Variants in MROH2B observed in about 807,000 individuals in gnomAD.
MROH2B encodes maestro heat-like repeat-containing protein family member 2B.
MROH2B carries 177 observed loss-of-function variants against 208.6 expected under a neutral mutation model. That is an observed-to-expected ratio of 0.85 (90% CI 0.75 to 0.96). MROH2B has a LOEUF of 0.96. Among genes scored for constraint, MROH2B ranks in the 40% least tolerant of loss-of-function variants. MROH2B has a pLI of 0.00. For synonymous variants in MROH2B, 728 were observed against 659.0 expected (o/e 1.10, Z -1.60); for missense variants, 2,002 against 1,878.7 (o/e 1.07, Z -1.21).
At position 41,044,907 on chromosome 5, in the gene MROH2B, C is replaced by G. The variant is rs556169019; in HGVS notation, c.1836+839G>C. Among the ~76,000 whole-genome samples, 155 of 152,262 alleles carry G rather than the reference C, an allele frequency of 1.0e-3. 1 individual carries two copies. Among genetic ancestry groups the G allele is most frequent in the African/African-American group, 3.5e-3 (147 of 41,558 alleles). On this transcript the variant is annotated intron_variant, in intron 18 of 41. Coordinates refer to ENST00000399564, the MANE Select transcript of MROH2B (RefSeq NM_173489.5). ...CACATGCCCTATGTCAAGCACTTCA[C>G]CAGGGACTTTATATACTTTATCTCA...
In MROH2B at chr5:41,032,803, G is replaced by A; in HGVS notation, c.2380C>T (p.Pro794Ser). The A allele has an allele frequency of 6.2e-7, 1 of 1,612,230 alleles. No individual in the cohort carries two copies. Among genetic ancestry groups the A allele is most frequent in the Non-Finnish European group, 8.5e-7 (1 of 1,179,018 alleles). Residue 794 changes from proline to serine, a missense_variant, in exon 24 of 42, where the codon CCC (proline) becomes TCC (serine). Transcript: ENST00000399564. ...ATAGGGCTAGCTAAGGAATCCAGGG[G>A]CTCGTCTCTAATGAAGTCCTGAAAC... ...GYMLDFIRDEPLDSLASPIRW... is the reference protein window; with the variant it reads ...GYMLDFIRDESLDSLASPIRW...
At chr5:41,013,349 C>T (rs978175551) in intron 29 of MROH2B, among the ~76,000 whole-genome samples, 7 of 152,018 alleles carry the variant, frequency 4.6e-5, no homozygotes, top group Non-Finnish European at 1.0e-4. Flanking sequence ...AATGCTTGGT[C>T]GATAGCAGTG....
intron 13 of MROH2B, 127 bp from the exon 14 acceptor site, chr5:41,049,563 G>A (rs1743225291): frequency 8.2e-6 from 9 of 1,099,794 alleles, no homozygotes; most frequent in East Asian, 2.6e-5. Context: ...TTTGGGCCAA[G>A]TCAAGATGAG....
chr5:41,066,428 T>C (rs1046895837), intron 3 of MROH2B, among the ~76,000 whole-genome samples: 2 of 152,174 alleles, frequency 1.3e-5, no homozygotes, highest in Non-Finnish European at 1.5e-5. Flanking sequence ...TGAGACTGTT[T>C]TGTTGCATTT....
In MROH2B at chr5:41,009,416, C is replaced by A. The variant is rs1294833284; in HGVS notation, c.3294-10G>T. ...CAATGTCTTTGTGTCCCTAGGGTGG[C>A]AAAGCAGGAAATTGGTAGATAAGGC... is the stretch of plus-strand genomic sequence containing the variant. On this transcript the variant is annotated splice_polypyrimidine_tract_variant and intron_variant, in intron 31 of 41. Coordinates refer to ENST00000399564, the MANE Select transcript of MROH2B (RefSeq NM_173489.5). 1.2e-6 allele frequency: 2 copies of A among 1,612,194 alleles called. No individual in the cohort carries two copies. The highest frequency in any genetic ancestry group is 3.3e-5 in the Admixed American group (2 of 59,902).
At chr5:41,032,911 C>A in intron 23 of MROH2B, 90 bp from the exon 24 acceptor site, 1 of 1,545,120 alleles carries the variant, frequency 6.5e-7, no homozygotes, top group Non-Finnish European at 8.8e-7. Context: ...ATTGGGTGCC[C>A]TGGGTCATAA....
At chr5:41,038,643 T>G in intron 21 of MROH2B, 93 bp downstream of exon 21, 1 of 1,273,092 alleles carries the variant, frequency 7.9e-7, no homozygotes, top group Admixed American at 2.7e-5. Context: ...CATACCCAAG[T>G]CTGGGAAGGA....
At chr5:41,001,434 G>T (rs368302481) in intron 37 of MROH2B, among the ~76,000 whole-genome samples, 3 of 152,210 alleles carry the variant, frequency 2.0e-5, no homozygotes, top group East Asian at 3.9e-4. Context: ...AAGAGAGGCC[G>T]GGTGCAGTGG....
intron 2 of MROH2B, among the ~76,000 whole-genome samples, chr5:41,068,127 A>C (rs1446603474): frequency 6.6e-6 from 1 of 152,200 alleles, no homozygotes; most frequent in Non-Finnish European, 1.5e-5. Flanking sequence ...AGACTGGTGT[A>C]CTGAAATCTC....
chr5:41,007,349 A>G lies in MROH2B; in HGVS notation c.3714T>C (p.Pro1238=). The change falls in exon 34 of 42, where the codon CCT becomes CCC. Residue 1238 remains proline, a synonymous_variant. Coordinates refer to ENST00000399564, the MANE Select transcript of MROH2B (RefSeq NM_173489.5). ...AACATACGCCTATGTGGTGGGTACTAGGACTGCTGAGTAGAGTCCATAAGT... is the reference window on the plus strand; with the variant it reads ...AACATACGCCTATGTGGTGGGTACTGGGACTGCTGAGTAGAGTCCATAAGT... The part of the protein sequence containing the change: ...GDNLWTLLSS[P]STHHIGVCSL... 6.5e-7 allele frequency: 1 copy of G among 1,534,458 alleles called. No individual in the cohort carries two copies.
chr5:41,064,281 A>T (rs1743729578), intron 5 of MROH2B, among the ~76,000 whole-genome samples, 191 bp downstream of exon 5: 1 of 152,182 alleles, frequency 6.6e-6, no homozygotes, highest in Non-Finnish European at 1.5e-5. Context: ...TATCTTGCAG[A>T]ATTTCTGTGA....
At position 41,057,328 on chromosome 5, in the gene MROH2B, A is replaced by G; in HGVS notation, c.789T>C (p.Leu263=). ...AGCTCCTTGGAAGGCCAATGTCATA[A>G]AGAACTGCTGCAGTCAGTATTTGTT... ...SLKQILTAAV[L]YDIGLPRSLR... is the part of the protein sequence containing the mutation. Residue 263 remains leucine (L), a synonymous_variant, in exon 8 of 42, where the codon CTT becomes CTC. Coordinates refer to ENST00000399564, the MANE Select transcript of MROH2B (RefSeq NM_173489.5). 1 of 1,586,632 alleles carries G rather than the reference A, an allele frequency of 6.3e-7. No homozygotes were observed. The highest frequency in any genetic ancestry group is 8.6e-7 in the Non-Finnish European group (1 of 1,165,378).
chr5:41,023,313 C>T (rs1301246579), intron 24 of MROH2B, among the ~76,000 whole-genome samples: 1 of 152,146 alleles, frequency 6.6e-6, no homozygotes, highest in Admixed American at 6.5e-5. Flanking sequence ...AGATGAATGG[C>T]TAACTAGAAT....
Position 41,001,581 on chromosome 5 carries a change from C to T in MROH2B, c.4195-748G>A, listed in dbSNP as rs1349373. ...TAAAAATTAGCCAGGCCTGGTGGCA[C>T]GTGCCTGTAGTCACAGCTACAGCTA... On this transcript the variant is annotated intron_variant, in intron 37 of 41. Transcript: ENST00000399564. Among the ~76,000 whole-genome samples, 1,210 of 152,078 alleles carry T rather than the reference C, an allele frequency of 8.0e-3. 40 individuals carry two copies. In the East Asian group the frequency reaches 0.13, roughly 16 times the overall value.
intron 30 of MROH2B, among the ~76,000 whole-genome samples, chr5:41,010,939 A>T (rs1196766847): frequency 6.6e-6 from 1 of 152,140 alleles, no homozygotes; most frequent in Non-Finnish European, 1.5e-5. Flanking sequence ...TAAAAAATCT[A>T]TTTTTTAAAA....
intron 24 of MROH2B, among the ~76,000 whole-genome samples, chr5:41,025,632 C>T (rs1177747378): frequency 6.6e-6 from 1 of 152,154 alleles, no homozygotes; most frequent in Non-Finnish European, 1.5e-5. Flanking sequence ...ACCATTCCTT[C>T]TGAAACTATT....
intron 5 of MROH2B, among the ~76,000 whole-genome samples, chr5:41,062,836 G>A (rs1743682801): frequency 6.6e-6 from 1 of 152,016 alleles, no homozygotes; most frequent in Admixed American, 6.6e-5. Context: ...TGGTGTATGT[G>A]TGTGTGGCTG....
At chr5:41,041,307 TG>T (rs1742939487) in intron 19 of MROH2B, among the ~76,000 whole-genome samples, 1 of 152,150 alleles carries the variant, frequency 6.6e-6, no homozygotes, top group Non-Finnish European at 1.5e-5. Flanking sequence ...AACTATTTTT[TG>T]TTGGTTTATT....
In MROH2B at chr5:41,026,940, G is replaced by A. The variant is rs770073364; in HGVS notation, c.2441+5802C>T. Among the ~76,000 whole-genome samples the A allele has an allele frequency of 2.0e-5, 3 of 152,140 alleles. No homozygotes were observed. In the South Asian group the frequency reaches 6.2e-4, roughly 32 times the overall value. On this transcript the variant is annotated intron_variant, in intron 24 of 41. Transcript: ENST00000399564. ...CTGACGAAAACATGAAATGGGGAAA[G>A]GATTCCTTATTTAATAAATGATGTT...
Sources: allele counts gnomAD v4.1 joint callset (sites outside exome capture counted in the v4.1 genomes callset), GRCh38; gene constraint gnomAD v4.1.1; transcripts MANE v1.5; gene names NCBI Gene and HGNC (gene_info 2026-07-23, HGNC 2026-07-21).